Variants in PTPN14 observed in about 807,000 individuals in gnomAD.
PTPN14 encodes the protein protein tyrosine phosphatase non-receptor type 14.
Under a neutral mutation model 126.8 loss-of-function variants are expected in PTPN14, and 53 were observed. That is an observed-to-expected ratio of 0.42 (90% CI 0.34 to 0.53). The LOEUF (loss-of-function observed/expected upper bound fraction) is 0.53. PTPN14 is among the 20% of genes least tolerant of loss of function. PTPN14 has a pLI of 0.08. For synonymous variants in PTPN14, 630 were observed against 599.3 expected (o/e 1.05, Z -0.75); for missense variants, 1,257 against 1,552.9 (o/e 0.81, Z 3.20).
chr1:214,472,261 C>T (rs1660775836), intron 1 of PTPN14, among the ~76,000 whole-genome samples: 1 of 152,058 alleles, frequency 6.6e-6, no homozygotes, highest in Admixed American at 6.5e-5. Flanking sequence ...TGAGTTCTCC[C>T]GAGATCTAGT....
At chr1:214,468,393 C>CA (rs1660686748) in intron 1 of PTPN14, among the ~76,000 whole-genome samples, 1 of 151,822 alleles carries the variant, frequency 6.6e-6, no homozygotes, top group African/African-American at 2.4e-5. Flanking sequence ...TAGTCTCTAC[C>CA]AAAAATACAA....
chr1:214,407,274 C>T (rs1470051842), intron 5 of PTPN14, among the ~76,000 whole-genome samples: 1 of 152,152 alleles, frequency 6.6e-6, no homozygotes, highest in Admixed American at 6.5e-5. Flanking sequence ...CCTGTAATCC[C>T]AGCACTTTGG....
intron 1 of PTPN14, among the ~76,000 whole-genome samples, chr1:214,534,598 A>G (rs771786936): frequency 6.6e-6 from 1 of 152,036 alleles, no homozygotes; most frequent in Non-Finnish European, 1.5e-5. Flanking sequence ...CTGTGGTCCC[A>G]GCTACTTGGG....
chr1:214,358,184 G>T, intron 18 of PTPN14, 134 bp from the exon 19 acceptor site: 1 of 1,102,046 alleles, frequency 9.1e-7, no homozygotes, highest in Non-Finnish European at 1.3e-6. Context: ...ACTCTGCCCT[G>T]GCTGGGTTTT....
intron 1 of PTPN14, among the ~76,000 whole-genome samples, chr1:214,545,805 G>A (rs1419443930): frequency 6.6e-6 from 1 of 152,106 alleles, no homozygotes; most frequent in Admixed American, 6.6e-5. Context: ...AGCACATTTT[G>A]TGACAAGAAA....
At chr1:214,415,512 G>C (rs1659406208) in intron 3 of PTPN14, among the ~76,000 whole-genome samples, 1 of 152,192 alleles carries the variant, frequency 6.6e-6, no homozygotes, top group African/African-American at 2.4e-5. Flanking sequence ...CATTTCTCTA[G>C]CATTAATTCC....
intron 1 of PTPN14, among the ~76,000 whole-genome samples, chr1:214,524,495 T>C (rs1459303273): frequency 6.6e-6 from 1 of 151,554 alleles, no homozygotes; most frequent in East Asian, 2.0e-4. Context: ...CTAACAAAAA[T>C]GTAAAAATTA....
Position 214,364,182 on chromosome 1 carries a change from A to G in PTPN14, c.3435+330T>C, listed in dbSNP as rs571788323. Reference sequence around the variant, plus strand: ...TATGGGGTCAAATAACTCACCATGGAAAATTACCCACAATAAAACCAGGCT... The same window carrying G: ...TATGGGGTCAAATAACTCACCATGGGAAATTACCCACAATAAAACCAGGCT... On this transcript the variant is annotated intron_variant, in intron 18 of 18. Coordinates refer to ENST00000366956, the MANE Select transcript of PTPN14 (RefSeq NM_005401.5). This position sits in a 1 kb window ranked among gnomAD's most constrained non-coding sequence, Gnocchi z 4.1. Among the ~76,000 whole-genome samples the G allele has an allele frequency of 6.6e-6, 1 of 152,344 alleles. No homozygotes were observed. The highest frequency in any genetic ancestry group is 6.5e-5 in the Admixed American group (1 of 15,306).
Position 214,481,178 on chromosome 1 carries a change from C to T in PTPN14, c.-154-16221G>A, listed in dbSNP as rs1571610338. 2.0e-5 allele frequency among the ~76,000 whole-genome samples: 3 copies of T among 152,168 alleles called. No individual in the cohort carries two copies. The East Asian group carries it at 5.8e-4, about 29-fold the overall frequency. ...TTTCACATAAATGCAACATTTGAAA[C>T]AGAAGCAACTGCAGGGTCAAACAAA... On this transcript the variant is annotated intron_variant, in intron 1 of 18. Transcript: ENST00000366956.
At chr1:214,508,669 A>T (rs1654899516) in intron 1 of PTPN14, among the ~76,000 whole-genome samples, 1 of 152,212 alleles carries the variant, frequency 6.6e-6, no homozygotes, top group Non-Finnish European at 1.5e-5. Context: ...TGGTAAATCC[A>T]TTCCAGGTTT....
chr1:214,400,262 G>T (rs1239083995), intron 7 of PTPN14, among the ~76,000 whole-genome samples: 1 of 152,114 alleles, frequency 6.6e-6, no homozygotes, highest in Admixed American at 6.6e-5. Flanking sequence ...CCCCCCACTG[G>T]TACTGTTGCT....
At chr1:214,411,825 A>C in intron 4 of PTPN14, 74 bp from the exon 5 acceptor site, 4 of 872,584 alleles carry the variant, frequency 4.6e-6, no homozygotes, top group Non-Finnish European at 5.4e-6. Flanking sequence ...GGGCAAACTC[A>C]TCACTACATT....
chr1:214,416,838 T>C (rs768635741), intron 3 of PTPN14, among the ~76,000 whole-genome samples: 2 of 152,186 alleles, frequency 1.3e-5, no homozygotes, highest in African/African-American at 2.4e-5. Context: ...CTATCGAATA[T>C]GATGACTAAA....
At chr1:214,470,784 CAA>C (rs71165975) in intron 1 of PTPN14, among the ~76,000 whole-genome samples, 1 of 102,892 alleles carries the variant, frequency 9.7e-6, no homozygotes, top group Non-Finnish European at 1.8e-5. Flanking sequence ...AATTCCATCT[CAA>C]AAAAAAAAAA....
At chr1:214,479,212 T>C (rs935941347) in intron 1 of PTPN14, among the ~76,000 whole-genome samples, 3 of 151,940 alleles carry the variant, frequency 2.0e-5, no homozygotes, top group Non-Finnish European at 2.9e-5. Context: ...CTGAATGTGG[T>C]GGTGCATGCA....
intron 1 of PTPN14, among the ~76,000 whole-genome samples, chr1:214,494,615 C>CT (rs891505835): frequency 6.6e-6 from 1 of 152,108 alleles, no homozygotes; most frequent in East Asian, 1.9e-4. Context: ...ACATTAAGCT[C>CT]TTTTTTTGCA....
Position 214,384,625 on chromosome 1 carries a change from G to A in PTPN14, c.1230C>T (p.Ser410=), listed in dbSNP as rs1225130892. 1 of 1,614,030 alleles carries A rather than the reference G, an allele frequency of 6.2e-7. No individual in the cohort carries two copies. Among genetic ancestry groups the A allele is most frequent in the African/African-American group, 1.3e-5 (1 of 74,886 alleles). ...CACTCCCAGGGATACTGAGGTTGGA[G>A]GATACAGGGGAGGCCTGGATGAAAC... ...SQSFIQASPV[S]SNLSIPGSDI... is the part of the protein sequence containing the mutation. The change falls in exon 13 of 19, where the codon TCC becomes TCT. Residue 410 remains serine (S), a synonymous_variant. Transcript: ENST00000366956. This position sits in a 1 kb window ranked among gnomAD's most constrained non-coding sequence, Gnocchi z 5.3.
At chr1:214,454,047 G>A (rs1048932531) in intron 2 of PTPN14, among the ~76,000 whole-genome samples, 9 of 152,138 alleles carry the variant, frequency 5.9e-5, no homozygotes, top group Non-Finnish European at 8.8e-5. Flanking sequence ...ATTCCTGTAT[G>A]GAACACAGGG....
intron 1 of PTPN14, among the ~76,000 whole-genome samples, chr1:214,473,885 C>T (rs998192152): frequency 6.6e-6 from 1 of 152,184 alleles, no homozygotes; most frequent in African/African-American, 2.4e-5. Context: ...AAATCATATC[C>T]ATACATCAAA....
Sources: gnomAD v4.1 joint callset for allele counts (sites outside exome capture counted in the v4.1 genomes callset) on GRCh38, gnomAD v4.1.1 for gene constraint, Gnocchi (gnomAD v3.1) non-coding constraint, MANE v1.5 for transcripts, NCBI Gene and HGNC (gene_info 2026-07-23, HGNC 2026-07-21) for gene names.